Variants in WDR33 observed in about 807,000 individuals in gnomAD.
The protein encoded by WDR33 is WD repeat domain 33, also known as pre-mRNA 3' end processing protein WDR33.
In WDR33, 47 loss-of-function variants were observed where a neutral mutation model predicts 164.9. The ratio of observed to expected loss-of-function variants is 0.29; its 90% CI spans 0.23 to 0.36. WDR33 has a LOEUF of 0.36. Among genes scored for constraint, WDR33 ranks in the 10% least tolerant of loss-of-function variants. The probability of loss-of-function intolerance (pLI) is 1.00; values close to 1 mark genes in which losing one functional copy is unlikely to be tolerated. For synonymous variants in WDR33, 505 were observed against 589.0 expected (o/e 0.86, Z 2.06); for missense variants, 1,137 against 1,754.1 (o/e 0.65, Z 6.28).
intron 1 of WDR33, among the ~76,000 whole-genome samples, chr2:127,804,762 TAAC>T (rs1689372645): frequency 6.6e-6 from 1 of 152,204 alleles, no homozygotes; most frequent in African/African-American, 2.4e-5. Context: ...TATAAACAAA[TAAC>T]AAAATTAGAA....
intron 1 of WDR33, among the ~76,000 whole-genome samples, chr2:127,776,011 T>C (rs528115767): frequency 6.6e-6 from 1 of 152,338 alleles, no homozygotes; most frequent in East Asian, 1.9e-4. Context: ...ATAAAGTTAC[T>C]TGGCCAAAAT....
chr2:127,753,379 A>G (rs769232535), intron 7 of WDR33, among the ~76,000 whole-genome samples: 1 of 152,266 alleles, frequency 6.6e-6, no homozygotes, highest in Non-Finnish European at 1.5e-5. Flanking sequence ...TACTACTGTC[A>G]TAACAGTGGC....
chr2:127,793,612 G>A (rs1055885604), intron 1 of WDR33, among the ~76,000 whole-genome samples: 1 of 152,028 alleles, frequency 6.6e-6, no homozygotes, highest in African/African-American at 2.4e-5. Context: ...ATGGTGGCAG[G>A]TACTTGTGGT....
At chr2:127,783,910 C>T (rs1688466551) in intron 1 of WDR33, among the ~76,000 whole-genome samples, 1 of 151,488 alleles carries the variant, frequency 6.6e-6, no homozygotes, top group South Asian at 2.1e-4. Context: ...CTGGCCAGCA[C>T]TTCCTTATTC....
At chr2:127,804,010 G>A (rs981501276) in intron 1 of WDR33, among the ~76,000 whole-genome samples, 1 of 148,606 alleles carries the variant, frequency 6.7e-6, no homozygotes, top group East Asian at 2.0e-4. Flanking sequence ...CCTGCTTAAA[G>A]ACTAAAGAGA....
chr2:127,748,775 G>A (rs982246105), intron 7 of WDR33, among the ~76,000 whole-genome samples: 68 of 151,338 alleles, frequency 4.5e-4, no homozygotes, highest in African/African-American at 1.7e-3. Context: ...CTGAGACAGG[G>A]TCTCATTCTG....
chr2:127,755,945 GACAAA>G (rs1687504600), intron 7 of WDR33, among the ~76,000 whole-genome samples: 1 of 152,024 alleles, frequency 6.6e-6, no homozygotes, highest in African/African-American at 2.4e-5. Flanking sequence ...TTCCATTCGT[GACAAA>G]ACAAACAGAA....
At position 127,731,713 on chromosome 2, in the gene WDR33, A is replaced by G. The variant is rs566931138; in HGVS notation, c.725-4936T>C. ...TTTTTGGGGGTTTTGGAAATGTTCT[A>G]TATCTAGATTAGAATGTATTTATTT... On this transcript the variant is annotated intron_variant, in intron 7 of 21. Transcript: ENST00000322313. 7.9e-5 allele frequency among the ~76,000 whole-genome samples: 12 copies of G among 152,340 alleles called. No individual in the cohort carries two copies. The South Asian group carries it at 1.9e-3, about 24-fold the overall frequency.
In WDR33 at chr2:127,770,167, G is replaced by A. The variant is rs185308609; in HGVS notation, c.204+611C>T. On this transcript the variant is annotated intron_variant, in intron 2 of 21. Coordinates refer to ENST00000322313, the MANE Select transcript of WDR33 (RefSeq NM_018383.5). This position sits in a 1 kb window ranked among gnomAD's most constrained non-coding sequence, Gnocchi z 4.9. Reference sequence around the variant, plus strand: ...ACAAGTGTTTTAAGACTGGCCTAGCGATTAAAGTACTCCCTTCTAATTTGT... The same window carrying A: ...ACAAGTGTTTTAAGACTGGCCTAGCAATTAAAGTACTCCCTTCTAATTTGT... Among the ~76,000 whole-genome samples the A allele has an allele frequency of 9.8e-5, 15 of 152,304 alleles. No homozygotes were observed. The highest frequency in any genetic ancestry group is 3.4e-4 in the African/African-American group (14 of 41,564).
At chr2:127,727,380 A>G (rs956745756) in intron 7 of WDR33, among the ~76,000 whole-genome samples, 7 of 152,212 alleles carry the variant, frequency 4.6e-5, no homozygotes, top group African/African-American at 1.4e-4. Flanking sequence ...CAGGCCTGCT[A>G]TATTTTAGGC....
In WDR33 at chr2:127,713,462, G is replaced by A. The variant is rs1024451229; in HGVS notation, c.3308+121C>T. 1.1e-5 allele frequency: 13 copies of A among 1,146,916 alleles called. No individual in the cohort carries two copies. The highest frequency in any genetic ancestry group is 1.5e-5 in the Non-Finnish European group (12 of 796,828). 71.0% of individuals were successfully genotyped at this position (1,146,916 alleles called of 1,614,324 possible). Reference sequence around the variant, plus strand: ...CGTCCAAATGCAAACTCTACAGAGTGCAGGGCTGGTAATTGATATAATTCT... The same window carrying A: ...CGTCCAAATGCAAACTCTACAGAGTACAGGGCTGGTAATTGATATAATTCT... On this transcript the variant is annotated intron_variant, in intron 18 of 21. Coordinates refer to ENST00000322313, the MANE Select transcript of WDR33 (RefSeq NM_018383.5). The surrounding 1 kb of genome is among the most constrained non-coding windows in gnomAD (Gnocchi z 6.2).
intron 1 of WDR33, among the ~76,000 whole-genome samples, chr2:127,780,434 T>TAG: frequency 6.6e-6 from 1 of 152,264 alleles, no homozygotes; most frequent in Admixed American, 6.5e-5. Context: ...AGCGGCAGGC[T>TAG]AGACCAGTAA....
intron 7 of WDR33, among the ~76,000 whole-genome samples, chr2:127,750,694 A>G (rs1226178166): frequency 2.0e-4 from 12 of 59,546 alleles, no homozygotes; most frequent in African/African-American, 4.6e-4. Context: ...ATATATATAT[A>G]TATATATATA....
chr2:127,701,489 T>A lies in WDR33; in HGVS notation c.*4834A>T. 1 of 1,267,826 alleles carries A rather than the reference T, an allele frequency of 7.9e-7. No homozygotes were observed. The highest frequency in any genetic ancestry group is 1.0e-6 in the Non-Finnish European group (1 of 1,003,534). The allele number at this position is 1,267,826 out of a possible 1,614,324, so 78.5% of individuals were successfully genotyped here. ...AACCGCTTCAGCGGAGGGCCGGAAG[T>A]GAGCCGCAGCTTTTCCTTTCTGCCA... On this transcript the variant is annotated 3_prime_UTR_variant, in exon 22 of 22. Transcript: ENST00000322313.
At chr2:127,767,927 T>C (rs1687872746) in intron 4 of WDR33, among the ~76,000 whole-genome samples, 1 of 152,186 alleles carries the variant, frequency 6.6e-6, no homozygotes, top group South Asian at 2.1e-4. Context: ...CTCTGAGACC[T>C]GCTACAACAT....
At chr2:127,746,429 T>C (rs1222509566) in intron 7 of WDR33, among the ~76,000 whole-genome samples, 4 of 152,212 alleles carry the variant, frequency 2.6e-5, no homozygotes, top group Non-Finnish European at 5.9e-5. Flanking sequence ...GTAAAATATG[T>C]TATTTTCTTT....
rs1291621682 is a variant in WDR33 at position 127,702,533 on chromosome 2, G to A, written c.*3790C>T. 2 of 175,126 alleles carry A rather than the reference G, an allele frequency of 1.1e-5. No individual in the cohort carries two copies. The highest frequency in any genetic ancestry group is 2.7e-5 in the Non-Finnish European group (2 of 73,534). 10.8% of individuals were successfully genotyped at this position (175,126 alleles called of 1,614,324 possible). On this transcript the variant is annotated 3_prime_UTR_variant, in exon 22 of 22. Transcript: ENST00000322313. ...TTTTCTTCGAGTTAGCTGCTCTTGT[G>A]ATTTTTCTCAGGCTGTTTTGTCATT...
At chr2:127,758,000 C>A (rs1433751304) in intron 7 of WDR33, among the ~76,000 whole-genome samples, 1 of 152,164 alleles carries the variant, frequency 6.6e-6, no homozygotes, top group East Asian at 1.9e-4. Flanking sequence ...GTGTTCATTT[C>A]CATTCCATTA....
chr2:127,787,959 G>T (rs1688657833), intron 1 of WDR33, among the ~76,000 whole-genome samples: 1 of 57,606 alleles, frequency 1.7e-5, no homozygotes, highest in East Asian at 5.3e-4. Flanking sequence ...CTTCCCAGTA[G>T]GGGCGGCCGG....
Sources: gnomAD v4.1 joint callset for allele counts (sites outside exome capture counted in the v4.1 genomes callset) on GRCh38, gnomAD v4.1.1 for gene constraint, Gnocchi (gnomAD v3.1) non-coding constraint, MANE v1.5 for transcripts, NCBI Gene and HGNC (gene_info 2026-07-23, HGNC 2026-07-21) for gene names.